Variants in ZCCHC24 observed in about 807,000 individuals in gnomAD.
ZCCHC24 encodes the protein zinc finger CCHC domain-containing protein 24.
In ZCCHC24, 10 loss-of-function variants were observed where a neutral mutation model predicts 26.2. The ratio of observed to expected loss-of-function variants is 0.38; its 90% CI spans 0.24 to 0.65. The LOEUF is 0.65. Among genes scored for constraint, ZCCHC24 ranks in the 30% least tolerant of loss-of-function variants. The pLI is 0.54. For synonymous variants in ZCCHC24, 144 were observed against 147.1 expected, an observed-to-expected ratio of 0.98 and a Z score of 0.15; for missense variants, 243 against 329.1, an observed-to-expected ratio of 0.74 and a Z score of 2.03.
intron 2 of ZCCHC24, among the ~76,000 whole-genome samples, chr10:79,410,224 T>G (rs1214466017): frequency 6.6e-6 from 1 of 152,232 alleles, no homozygotes; most frequent in Non-Finnish European, 1.5e-5. Context: ...CAACTGTCTT[T>G]GAATATGACC....
At chr10:79,428,514 T>C in intron 2 of ZCCHC24, among the ~76,000 whole-genome samples, 1 of 149,898 alleles carries the variant, frequency 6.7e-6, no homozygotes. Context: ...GGCTGGAAGG[T>C]GGTGATGGTC....
At chr10:79,402,197 A>G (rs989258096) in intron 2 of ZCCHC24, among the ~76,000 whole-genome samples, 1 of 152,132 alleles carries the variant, frequency 6.6e-6, no homozygotes, top group African/African-American at 2.4e-5. Flanking sequence ...TGCGGAGTAA[A>G]CAGGGGATAG....
intron 2 of ZCCHC24, among the ~76,000 whole-genome samples, chr10:79,396,925 G>T (rs1856555189): frequency 6.6e-6 from 1 of 152,190 alleles, no homozygotes; most frequent in Non-Finnish European, 1.5e-5. Context: ...AGGAGTAAAT[G>T]CAAAACATTT....
At chr10:79,428,269 A>G (rs577477003) in intron 2 of ZCCHC24, among the ~76,000 whole-genome samples, 1 of 152,350 alleles carries the variant, frequency 6.6e-6, no homozygotes, top group Admixed American at 6.5e-5. Flanking sequence ...CCAATCACCA[A>G]AAGACAAACG....
intron 3 of ZCCHC24, among the ~76,000 whole-genome samples, chr10:79,388,602 C>T (rs995585823): frequency 1.3e-5 from 2 of 152,200 alleles, no homozygotes; most frequent in Admixed American, 1.3e-4. Flanking sequence ...CACACCAAAA[C>T]AAAGCTGGTT....
chr10:79,393,741 AGCCTCAGG>A (rs1856507268), intron 3 of ZCCHC24, among the ~76,000 whole-genome samples: 1 of 151,992 alleles, frequency 6.6e-6, no homozygotes, highest in African/African-American at 2.4e-5. Context: ...AAGTCCTTAC[AGCCTCAGG>A]GCATTTGCAC....
At chr10:79,408,516 A>G (rs531842880) in intron 2 of ZCCHC24, among the ~76,000 whole-genome samples, 38 of 152,338 alleles carry the variant, frequency 2.5e-4, no homozygotes, top group Non-Finnish European at 4.3e-4. Flanking sequence ...ACAACTATGA[A>G]TTAGGCACCC....
intron 2 of ZCCHC24, among the ~76,000 whole-genome samples, chr10:79,415,745 G>T (rs1020286275): frequency 6.6e-6 from 1 of 152,128 alleles, no homozygotes; most frequent in East Asian, 1.9e-4. Context: ...TAGAGCCTCT[G>T]CCCAACTTCA....
intron 2 of ZCCHC24, among the ~76,000 whole-genome samples, chr10:79,395,850 T>C (rs952955735): frequency 1.3e-5 from 2 of 152,264 alleles, no homozygotes; most frequent in Admixed American, 6.5e-5. Flanking sequence ...ATATAATTCA[T>C]GTATCTTACA....
chr10:79,397,299 G>A (rs1372489739), intron 2 of ZCCHC24, among the ~76,000 whole-genome samples: 1 of 152,204 alleles, frequency 6.6e-6, no homozygotes, highest in Non-Finnish European at 1.5e-5. Context: ...CCTCAGCACT[G>A]GTCAGATCTG....
At chr10:79,392,746 G>A (rs1056813040) in intron 3 of ZCCHC24, among the ~76,000 whole-genome samples, 3 of 152,214 alleles carry the variant, frequency 2.0e-5, no homozygotes, top group African/African-American at 7.2e-5. Context: ...CATGGACACT[G>A]CCTTGACTTT....
At chr10:79,439,894 T>A (rs148595380) in intron 1 of ZCCHC24, among the ~76,000 whole-genome samples, 2 of 151,814 alleles carry the variant, frequency 1.3e-5, no homozygotes, top group South Asian at 2.1e-4. Context: ...GGCAGCCAAG[T>A]AAAACCCCTC....
At chr10:79,406,107 C>T (rs1005169982) in intron 2 of ZCCHC24, among the ~76,000 whole-genome samples, 1 of 152,228 alleles carries the variant, frequency 6.6e-6, no homozygotes, top group Non-Finnish European at 1.5e-5. Context: ...GTCTCCCCTG[C>T]GTGCTGGGGC....
At chr10:79,430,613 C>A (rs1857111061) in intron 2 of ZCCHC24, among the ~76,000 whole-genome samples, 1 of 151,804 alleles carries the variant, frequency 6.6e-6, no homozygotes, top group Admixed American at 6.6e-5. Flanking sequence ...TCTGCCCCAG[C>A]ATTTAGAAGA....
chr10:79,442,122 G>A (rs1195103797), intron 1 of ZCCHC24, among the ~76,000 whole-genome samples: 2 of 152,178 alleles, frequency 1.3e-5, no homozygotes, highest in Non-Finnish European at 2.9e-5. Context: ...AAGGGCCTTA[G>A]GAATCCCTTT....
chr10:79,439,519 A>G (rs916488106), intron 1 of ZCCHC24, among the ~76,000 whole-genome samples: 1 of 152,252 alleles, frequency 6.6e-6, no homozygotes, highest in Non-Finnish European at 1.5e-5. Context: ...ACCAGATGCC[A>G]GGACTACTAA....
intron 2 of ZCCHC24, among the ~76,000 whole-genome samples, chr10:79,432,118 G>T (rs1857138759): frequency 6.6e-6 from 1 of 152,246 alleles, no homozygotes; most frequent in South Asian, 2.1e-4. Context: ...GGAGGCAGAG[G>T]TGGGGTTCAG....
At chr10:79,389,812 C>T (rs755872383) in intron 3 of ZCCHC24, among the ~76,000 whole-genome samples, 11 of 152,048 alleles carry the variant, frequency 7.2e-5, no homozygotes, top group Non-Finnish European at 1.5e-4. Flanking sequence ...GACGGGGTTT[C>T]GCTGTGTTGG....
chr10:79,407,268 T>G (rs191359794), intron 2 of ZCCHC24, among the ~76,000 whole-genome samples: 7 of 152,324 alleles, frequency 4.6e-5, no homozygotes, highest in African/African-American at 1.7e-4. Context: ...CACTCGGTGG[T>G]GTGGGAGCCA....
Sources: gnomAD v4.1 joint callset for allele counts (sites outside exome capture counted in the v4.1 genomes callset) on GRCh38, gnomAD v4.1.1 for gene constraint, MANE v1.5 for transcripts, NCBI Gene and HGNC (gene_info 2026-07-23, HGNC 2026-07-21) for gene names.